Variants in FBXO34 observed in about 807,000 individuals in gnomAD.
The protein encoded by FBXO34 is F-box protein 34, also known as F-box only protein 34.
In FBXO34, 12 loss-of-function variants were observed where a neutral mutation model predicts 24.5. That is an observed-to-expected ratio of 0.49 (90% confidence interval 0.31 to 0.79). The LOEUF is 0.79. FBXO34 is among the 30% of genes least tolerant of loss of function. The pLI, the probability that FBXO34 is intolerant of heterozygous loss-of-function variation, is 0.04. For missense variants in FBXO34, 823 were observed against 857.7 expected (o/e 0.96, Z 0.51); for synonymous variants, 320 against 311.9 (o/e 1.03, Z -0.27).
intron 1 of FBXO34, among the ~76,000 whole-genome samples, chr14:55,301,878 T>G (rs1882367669): frequency 6.6e-6 from 1 of 152,248 alleles, no homozygotes; most frequent in Admixed American, 6.5e-5. Context: ...CTACTTTTTC[T>G]TGGCCTCTCT....
chr14:55,380,548 G>T, the FBXO34 span: 1 of 1,418,888 alleles, frequency 7.0e-7, no homozygotes, highest in South Asian at 1.2e-5. Flanking sequence ...TGATAAAGAT[G>T]ACATTACCAC....
chr14:55,377,542 A>G, the FBXO34 span, among the ~76,000 whole-genome samples: 1 of 152,168 alleles, frequency 6.6e-6, no homozygotes, highest in African/African-American at 2.4e-5. Context: ...CTTCAGGAAA[A>G]GCACAAAAAG....
At chr14:55,440,098 A>AAATCAATC in the FBXO34 span, among the ~76,000 whole-genome samples, 1,855 of 151,346 alleles carry the variant, frequency 0.012, 39 homozygotes, top group African/African-American at 0.042. Context: ...TCTCAGAGAA[A>AAATCAATC]AATCAATCAA....
downstream of FBXO34, among the ~76,000 whole-genome samples, chr14:55,370,699 T>G (rs1406581522): frequency 6.6e-6 from 1 of 152,018 alleles, no homozygotes; most frequent in African/African-American, 2.4e-5. Flanking sequence ...TGGAGTGCAG[T>G]GGCGCCATCT....
the FBXO34 span, among the ~76,000 whole-genome samples, chr14:55,414,774 G>C: frequency 6.6e-6 from 1 of 152,082 alleles, no homozygotes; most frequent in Non-Finnish European, 1.5e-5. Flanking sequence ...CAGCACCTGC[G>C]GGCACTTAGC....
chr14:55,369,385 G>C (rs1884759165), downstream of FBXO34: 1 of 366,434 alleles, frequency 2.7e-6, no homozygotes, highest in Admixed American at 4.3e-5. Flanking sequence ...GCACTGGTCT[G>C]GGTAGAAAGA....
chr14:55,442,111 G>A, the FBXO34 span, among the ~76,000 whole-genome samples: 3 of 151,700 alleles, frequency 2.0e-5, no homozygotes, highest in Non-Finnish European at 2.9e-5. Context: ...ACAGATTCCC[G>A]GGTGTGGTGG....
chr14:55,285,640 A>G (rs570700570), intron 1 of FBXO34: 31 of 152,256 alleles, frequency 2.0e-4, no homozygotes, highest in Admixed American at 1.7e-3. Flanking sequence ...GAAGGAGAAC[A>G]TGCCTCCTTA....
chr14:55,288,404 G>A (rs986548543), intron 1 of FBXO34, among the ~76,000 whole-genome samples: 3 of 152,146 alleles, frequency 2.0e-5, no homozygotes, highest in African/African-American at 7.2e-5. Context: ...CAAGACTTGG[G>A]CTACTGCAAA....
the FBXO34 span, among the ~76,000 whole-genome samples, chr14:55,390,502 T>C: frequency 6.6e-6 from 1 of 152,128 alleles, no homozygotes; most frequent in Non-Finnish European, 1.5e-5. Flanking sequence ...GCCTCCCAAG[T>C]AGCTGGGACT....
chr14:55,433,833 A>G, the FBXO34 span: 1 of 872,606 alleles, frequency 1.1e-6, no homozygotes, highest in Non-Finnish European at 1.8e-6. Flanking sequence ...GGAAAACTAA[A>G]TGTCTGGGTC....
intron 1 of FBXO34, among the ~76,000 whole-genome samples, chr14:55,310,878 A>T (rs1179431653): frequency 6.6e-6 from 1 of 152,146 alleles, no homozygotes; most frequent in Non-Finnish European, 1.5e-5. Context: ...TTCTTATCTG[A>T]ACTGTTTTAT....
intron 1 of FBXO34, among the ~76,000 whole-genome samples, chr14:55,314,465 G>T (rs892580567): frequency 1.3e-5 from 2 of 152,134 alleles, no homozygotes; most frequent in African/African-American, 4.8e-5. Flanking sequence ...TCTTCCTGAG[G>T]TGTGCTAGAT....
the FBXO34 span, among the ~76,000 whole-genome samples, chr14:55,392,181 A>G: frequency 6.6e-6 from 1 of 152,176 alleles, no homozygotes; most frequent in Non-Finnish European, 1.5e-5. Flanking sequence ...TCGCACTCCT[A>G]TGGAAACTAA....
intron 1 of FBXO34, among the ~76,000 whole-genome samples, chr14:55,294,388 A>G (rs1379058406): frequency 6.6e-6 from 1 of 152,018 alleles, no homozygotes; most frequent in Non-Finnish European, 1.5e-5. Context: ...CCCAAGTTCA[A>G]GTGATCCTCT....
At chr14:55,380,875 A>ATATATATATATATTTTTTTT in the FBXO34 span, among the ~76,000 whole-genome samples, 16 of 112,682 alleles carry the variant, frequency 1.4e-4, no homozygotes, top group Non-Finnish European at 1.9e-4. Flanking sequence ...ATATATATAT[A>ATATATATATATATTTTTTTT]TTTTTTTTTT....
chr14:55,293,946 G>T (rs540296944), intron 1 of FBXO34, among the ~76,000 whole-genome samples: 107 of 152,092 alleles, frequency 7.0e-4, no homozygotes, highest in Non-Finnish European at 1.4e-3. Context: ...ATTGGTGGTG[G>T]TGTTAATCGG....
chr14:55,320,091 C>T (rs75166672), intron 1 of FBXO34, among the ~76,000 whole-genome samples: 118 of 152,332 alleles, frequency 7.7e-4, no homozygotes, highest in African/African-American at 2.7e-3. Flanking sequence ...TGGACCGCCT[C>T]AGGTTATCCA....
the FBXO34 span, chr14:55,377,756 C>A: frequency 8.0e-7 from 1 of 1,256,132 alleles, no homozygotes; most frequent in Non-Finnish European, 1.1e-6. Flanking sequence ...ACTATGCCAA[C>A]ATACAACTCC....
Sources: allele counts gnomAD v4.1 joint callset (sites outside exome capture counted in the v4.1 genomes callset), GRCh38; gene constraint gnomAD v4.1.1; transcripts MANE v1.5; gene names NCBI Gene and HGNC (gene_info 2026-07-23, HGNC 2026-07-21).